ZNF569: variants seen among roughly 807,000 people sequenced by gnomAD.
ZNF569 encodes the protein zinc finger protein 569, also known as DNA-binding protein.
ZNF569 carries 38 observed loss-of-function variants against 56.3 expected under a neutral mutation model. The ratio of observed to expected loss-of-function variants is 0.68; its 90% confidence interval spans 0.52 to 0.88. The LOEUF (loss-of-function observed/expected upper bound fraction) is 0.88. ZNF569 is among the 40% of genes least tolerant of loss of function. ZNF569 has a pLI of 0.00. For synonymous variants in ZNF569, 241 were observed against 262.9 expected (o/e 0.92, Z 0.81); for missense variants, 666 against 809.2 (o/e 0.82, Z 2.15).
intron 5 of ZNF569, among the ~76,000 whole-genome samples, chr19:37,420,194 T>C (rs183262769): frequency 1.3e-5 from 2 of 151,990 alleles, no homozygotes; most frequent in Non-Finnish European, 2.9e-5. Flanking sequence ...TTCACTATGT[T>C]GGCCAGGCTA....
Position 37,411,957 on chromosome 19 carries a change from C to T in ZNF569, c.*640G>A, listed in dbSNP as rs1014403564. 6.6e-6 allele frequency: 1 copy of T among 152,074 alleles called. No individual in the cohort carries two copies. The highest frequency in any genetic ancestry group is 6.6e-5 in the Admixed American group (1 of 15,256). 9.4% of individuals were successfully genotyped at this position (152,074 alleles called of 1,614,324 possible). ...AGTGTGTCTTCTCTACTTGCTTTGT[C>T]AAGTTTGTTTCAGCTATTTGTGTTT... On this transcript the variant is annotated 3_prime_UTR_variant, in exon 6 of 6. Transcript: ENST00000316950.
chr19:37,413,255 C>T lies in ZNF569; in HGVS notation c.1403G>A (p.Cys468Tyr), dbSNP rs750546547. ...RIHTGEKPYI[C>Y]KECGKAFSQK... The stretch of plus-strand genomic sequence containing the variant: ...GCTAAAGGCTTTCCCACATTCCTTA[C>T]ATATATAGGGTTTTTCCCCAGTATG... Residue 468 changes from cysteine (C) to tyrosine (Y), a missense_variant, in exon 6 of 6, where the codon TGT becomes TAT. Transcript: ENST00000316950. 1 of 1,611,600 alleles carries T rather than the reference C, an allele frequency of 6.2e-7. No individual in the cohort carries two copies. The highest frequency in any genetic ancestry group is 1.1e-5 in the South Asian group (1 of 90,572).
Position 37,414,384 on chromosome 19 carries a change from G to T in ZNF569, c.274C>A (p.Gln92Lys). Residue 92 changes from glutamine to lysine, a missense_variant, in exon 6 of 6, where the codon CAG becomes AAG. Physicochemically the swap from Gln to Lys is moderately conservative, Grantham distance 53. Coordinates refer to ENST00000316950, the MANE Select transcript of ZNF569 (RefSeq NM_152484.3). ...IWGVDEHQKN[Q>K]DRLLRQVEVK... Reference sequence around the variant, plus strand: ...TCAACTTGTCTCAAAAGTCTGTCCTGGTTTTTCTGATGCTCATCAACTCCC... The same window carrying T: ...TCAACTTGTCTCAAAAGTCTGTCCTTGTTTTTCTGATGCTCATCAACTCCC... The T allele has an allele frequency of 6.2e-7, 1 of 1,602,188 alleles. No individual in the cohort carries two copies. Among genetic ancestry groups the T allele is most frequent in the South Asian group, 1.1e-5 (1 of 88,688 alleles).
intron 3 of ZNF569, chr19:37,427,758 A>G (rs768486372): frequency 3.9e-6 from 2 of 510,512 alleles, no homozygotes; most frequent in East Asian, 5.5e-5. Flanking sequence ...GAGGAAAAAA[A>G]CCCTGAAATC....
intron 3 of ZNF569, among the ~76,000 whole-genome samples, chr19:37,427,188 G>T (rs1266631845): frequency 6.6e-6 from 1 of 152,028 alleles, no homozygotes; most frequent in Non-Finnish European, 1.5e-5. Context: ...GTGGTGGTGT[G>T]CATCTGTAGT....
At chr19:37,417,002 GAATAA>G (rs1303727074) in intron 5 of ZNF569, among the ~76,000 whole-genome samples, 2 of 152,100 alleles carry the variant, frequency 1.3e-5, no homozygotes, top group South Asian at 2.1e-4. Context: ...GGTCAAACTG[GAATAA>G]GAGAAGCCCC....
upstream of ZNF569, chr19:37,469,216 C>T (rs1291366751): frequency 1.7e-5 from 22 of 1,311,342 alleles, no homozygotes; most frequent in Non-Finnish European, 1.9e-5. Context: ...GTGTTACAAA[C>T]CCTGCGCGGA....
rs1289561587 is a variant in ZNF569 at position 37,413,166 on chromosome 19, C to T, written c.1492G>A (p.Glu498Lys). 3 of 1,606,916 alleles carry T rather than the reference C, an allele frequency of 1.9e-6. No homozygotes were observed. Among genetic ancestry groups the T allele is most frequent in the Non-Finnish European group, 8.5e-7 (1 of 1,177,508 alleles). Reference protein sequence around the residue: ...HSGEKPYECNECGKAFSQKQN... With the variant: ...HSGEKPYECNKCGKAFSQKQN... ...TTTTGGCTGAAGGCTTTACCACATT[C>T]ATTGCATTCATAGGGTTTCTCTCCA... Residue 498 changes from glutamate to lysine, a missense_variant, in exon 6 of 6, where the codon GAA becomes AAA. Physicochemically the swap from Glu to Lys is moderately conservative, Grantham distance 56. Transcript: ENST00000316950.
upstream of ZNF569, chr19:37,467,751 T>C: frequency 1.3e-6 from 1 of 790,652 alleles, no homozygotes; most frequent in Non-Finnish European, 2.1e-6. Flanking sequence ...GCCATGGAAT[T>C]TGGAGTGGGG....
upstream of ZNF569, chr19:37,468,136 G>T: frequency 1.7e-6 from 1 of 592,060 alleles, no homozygotes; most frequent in South Asian, 2.1e-5. Context: ...CCAGGCTGGA[G>T]AGTGCAGCGG....
intron 3 of ZNF569, among the ~76,000 whole-genome samples, chr19:37,427,561 C>T (rs982126600): frequency 6.6e-6 from 1 of 152,134 alleles, no homozygotes; most frequent in Non-Finnish European, 1.5e-5. Context: ...TCCAATAGCT[C>T]GTTCACAATG....
intron 5 of ZNF569, among the ~76,000 whole-genome samples, chr19:37,414,620 G>A (rs1462963338): frequency 6.6e-6 from 1 of 151,912 alleles, no homozygotes; most frequent in Non-Finnish European, 1.5e-5. Flanking sequence ...TATGAGTAGA[G>A]GCATATATTT....
At chr19:37,417,755 T>C (rs1269098355) in intron 5 of ZNF569, among the ~76,000 whole-genome samples, 1 of 152,192 alleles carries the variant, frequency 6.6e-6, no homozygotes, top group Non-Finnish European at 1.5e-5. Context: ...GTTGCCACCA[T>C]AGAAGGGAAA....
chr19:37,435,584 C>T (rs942116168), intron 3 of ZNF569, among the ~76,000 whole-genome samples: 4 of 151,964 alleles, frequency 2.6e-5, no homozygotes, highest in African/African-American at 9.7e-5. Flanking sequence ...AACAAAAAAA[C>T]AAGACCCAAA....
At chr19:37,465,585 T>A (rs1467074251) in intron 1 of ZNF569, 112 bp from the exon 2 acceptor site, 2 of 152,226 alleles carry the variant, frequency 1.3e-5, no homozygotes, top group East Asian at 3.8e-4. Context: ...TTAGAGCAAA[T>A]TAATTTATAT....
intron 5 of ZNF569, among the ~76,000 whole-genome samples, chr19:37,417,395 G>C (rs2146862488): frequency 6.6e-6 from 1 of 152,152 alleles, no homozygotes; most frequent in South Asian, 2.1e-4. Flanking sequence ...CAAGTAGCTG[G>C]GACTAGAGGC....
At chr19:37,453,005 TTTA>T (rs1431673242) in intron 2 of ZNF569, among the ~76,000 whole-genome samples, 1 of 152,202 alleles carries the variant, frequency 6.6e-6, no homozygotes, top group Middle Eastern at 3.2e-3. Flanking sequence ...TTCATTATTT[TTTA>T]TTATCACTCC....
intron 5 of ZNF569, among the ~76,000 whole-genome samples, chr19:37,415,685 A>T (rs1173358209): frequency 1.3e-5 from 2 of 150,704 alleles, no homozygotes; most frequent in African/African-American, 4.9e-5. Flanking sequence ...CCTGGCTAAC[A>T]CAGTGAAACC....
intron 5 of ZNF569, among the ~76,000 whole-genome samples, chr19:37,414,920 C>T (rs2040903053): frequency 6.6e-6 from 1 of 151,902 alleles, no homozygotes; most frequent in Non-Finnish European, 1.5e-5. Flanking sequence ...AAAAGTAATT[C>T]CCTAAAACAA....
Sources: gnomAD v4.1 joint callset for allele counts (sites outside exome capture counted in the v4.1 genomes callset) on GRCh38, gnomAD v4.1.1 for gene constraint, MANE v1.5 for transcripts, NCBI Gene and HGNC (gene_info 2026-07-23, HGNC 2026-07-21) for gene names.